The following PRKAR1B variants were observed in gnomAD, a reference collection of about 807,000 sequenced individuals.
The protein encoded by PRKAR1B is protein kinase cAMP-dependent type I regulatory subunit beta, also known as cAMP-dependent protein kinase type I-beta regulatory subunit.
In PRKAR1B, 22 loss-of-function variants were observed where a neutral mutation model predicts 46.5. The observed-to-expected ratio is 0.47, with a 90% CI of 0.34 to 0.68. The LOEUF is 0.68. Among genes scored for constraint, PRKAR1B ranks in the 30% least tolerant of loss-of-function variants. The pLI is 0.01. For missense variants in PRKAR1B, 445 were observed against 535.6 expected (o/e 0.83, Z 1.67); for synonymous variants, 259 against 217.7 (o/e 1.19, Z -1.67).
At chr7:583,566 C>T (rs1456862924) in intron 8 of PRKAR1B, among the ~76,000 whole-genome samples, 11 of 143,828 alleles carry the variant, frequency 7.6e-5, no homozygotes, top group African/African-American at 3.0e-4. Flanking sequence ...GCGTGCACAC[C>T]CATGCACACA....
chr7:684,912 A>G (rs556495342), intron 2 of PRKAR1B, among the ~76,000 whole-genome samples: 4 of 151,846 alleles, frequency 2.6e-5, no homozygotes, highest in African/African-American at 9.7e-5. Context: ...AGAGGATGGA[A>G]GCAAATCTCA....
intron 2 of PRKAR1B, among the ~76,000 whole-genome samples, chr7:707,465 G>T (rs537337344): frequency 2.0e-5 from 3 of 152,192 alleles, no homozygotes; most frequent in Admixed American, 6.5e-5. Flanking sequence ...GTTGGAGGAA[G>T]GCCTGAGAAA....
chr7:576,807 C>T (rs1307970363), intron 9 of PRKAR1B, among the ~76,000 whole-genome samples: 1 of 152,104 alleles, frequency 6.6e-6, no homozygotes, highest in African/African-American at 2.4e-5. Context: ...GGGAGAGGCC[C>T]TGAATGTGCC....
chr7:634,721 C>T (rs931496655), intron 4 of PRKAR1B, among the ~76,000 whole-genome samples: 1 of 151,718 alleles, frequency 6.6e-6, no homozygotes, highest in Non-Finnish European at 1.5e-5. Flanking sequence ...CTCACTGCAA[C>T]CCCTGCCTTC....
chr7:551,961 CT>C (rs1784243897), intron 9 of PRKAR1B, among the ~76,000 whole-genome samples: 1 of 118,390 alleles, frequency 8.4e-6, no homozygotes, highest in Non-Finnish European at 1.7e-5. Context: ...GGGTCCTTCC[CT>C]CGGCGCCACT....
intron 4 of PRKAR1B, among the ~76,000 whole-genome samples, chr7:669,992 A>C (rs895056289): frequency 6.7e-6 from 1 of 149,158 alleles, no homozygotes; most frequent in African/African-American, 2.5e-5. Flanking sequence ...CAGCCTCCTT[A>C]GCAGCTGGGA....
intron 4 of PRKAR1B, among the ~76,000 whole-genome samples, chr7:642,918 CCTTGT>C (rs1784463991): frequency 6.6e-6 from 1 of 151,272 alleles, no homozygotes; most frequent in Admixed American, 6.6e-5. Context: ...CGTCCCGCCA[CCTTGT>C]CTTGAGCAGT....
At chr7:726,768 T>C (rs1781309916) in intron 1 of PRKAR1B, 18 of 1,261,036 alleles carry the variant, frequency 1.4e-5, no homozygotes, top group Non-Finnish European at 1.8e-5. Context: ...CACACCCGGC[T>C]GAGGGGGCCG....
At chr7:664,492 C>T (rs896565843) in intron 4 of PRKAR1B, among the ~76,000 whole-genome samples, 11 of 152,226 alleles carry the variant, frequency 7.2e-5, no homozygotes, top group South Asian at 4.1e-4. Flanking sequence ...GCAGAGGCCA[C>T]GTGCAGCATC....
At chr7:722,443 T>C (rs1363835608) in intron 1 of PRKAR1B, among the ~76,000 whole-genome samples, 2 of 151,706 alleles carry the variant, frequency 1.3e-5, no homozygotes, top group Non-Finnish European at 2.9e-5. Context: ...CACCATGTTA[T>C]CCAGGCTGGT....
chr7:552,916 G>T (rs1784337281), intron 9 of PRKAR1B, among the ~76,000 whole-genome samples: 1 of 152,268 alleles, frequency 6.6e-6, no homozygotes, highest in Admixed American at 6.5e-5. Context: ...GGGGAAGTGG[G>T]GAGGGGTCTG....
chr7:643,327 G>A lies in PRKAR1B; in HGVS notation c.440+33902C>T, dbSNP rs996550076. 4.0e-5 allele frequency among the ~76,000 whole-genome samples: 6 copies of A among 151,452 alleles called. 1 individual carries two copies. The highest frequency in any genetic ancestry group is 1.2e-4 in the African/African-American group (5 of 40,798). ...TTAAAACCATGAGCTTAGGCAGCGC[G>A]AGGCACGGGGAATCCCTAAAGGAAT... On this transcript the variant is annotated intron_variant, in intron 4 of 10. Transcript: ENST00000537384.
intron 9 of PRKAR1B, among the ~76,000 whole-genome samples, chr7:559,807 G>A (rs1351482572): frequency 2.6e-5 from 4 of 152,174 alleles, no homozygotes; most frequent in African/African-American, 9.7e-5. Flanking sequence ...TGGGCACGGT[G>A]GCTCACACCT....
chr7:584,463 C>G (rs1275175989), intron 8 of PRKAR1B, 45 bp downstream of exon 8: 2 of 1,582,770 alleles, frequency 1.3e-6, no homozygotes, highest in African/African-American at 2.7e-5. Context: ...CCAGCAGGCG[C>G]CCAGATGTCG....
intron 2 of PRKAR1B, among the ~76,000 whole-genome samples, chr7:701,817 G>C (rs1780081558): frequency 6.6e-6 from 1 of 152,164 alleles, no homozygotes; most frequent in Non-Finnish European, 1.5e-5. Flanking sequence ...TCAGATGAAG[G>C]AAACTGAGAA....
chr7:562,232 C>T (rs1778848873), intron 9 of PRKAR1B, among the ~76,000 whole-genome samples: 1 of 145,908 alleles, frequency 6.9e-6, no homozygotes, highest in African/African-American at 2.5e-5. Flanking sequence ...TACAGAGGCT[C>T]CTGCTGCCTG....
chr7:614,231 C>G (rs753117523), intron 4 of PRKAR1B, among the ~76,000 whole-genome samples: 1 of 152,246 alleles, frequency 6.6e-6, no homozygotes, highest in Non-Finnish European at 1.5e-5. Context: ...ACTGTCTACA[C>G]AAAACACTCA....
At chr7:719,680 A>G (rs1255455026) in intron 1 of PRKAR1B, among the ~76,000 whole-genome samples, 2 of 152,138 alleles carry the variant, frequency 1.3e-5, no homozygotes, top group Non-Finnish European at 2.9e-5. Flanking sequence ...TGGGGAAAGA[A>G]GAGAGGTCAT....
In PRKAR1B at chr7:711,596, C is replaced by T. The variant is rs927962801; in HGVS notation, c.-22-69G>A. 7.9e-6 allele frequency: 11 copies of T among 1,384,342 alleles called. No homozygotes were observed. The South Asian group carries it at 1.0e-4, about 13-fold the overall frequency. The allele number at this position is 1,384,342 out of a possible 1,614,324, so 85.8% of individuals were successfully genotyped here. On this transcript the variant is annotated intron_variant, in intron 1 of 10. Coordinates refer to ENST00000537384, the MANE Select transcript of PRKAR1B (RefSeq NM_001164760.2). ...GGGCTGCGCGCCGGATAAACGCAGGCGGCGTGAACCAGGCTTCTCCCAGGA... is the reference window on the plus strand; with the variant it reads ...GGGCTGCGCGCCGGATAAACGCAGGTGGCGTGAACCAGGCTTCTCCCAGGA...
Sources: allele counts gnomAD v4.1 joint callset (sites outside exome capture counted in the v4.1 genomes callset), GRCh38; gene constraint gnomAD v4.1.1; transcripts MANE v1.5; gene names NCBI Gene and HGNC (gene_info 2026-07-23, HGNC 2026-07-21).